Variants in ARID2 observed in about 807,000 individuals in gnomAD.
ARID2 encodes AT-rich interaction domain 2, also known as AT-rich interactive domain-containing protein 2.
A neutral mutation model predicts 184.6 loss-of-function variants in ARID2; 32 were observed. The observed-to-expected ratio is 0.17, with a 90% CI of 0.13 to 0.23. The LOEUF (loss-of-function observed/expected upper bound fraction) is 0.23. Ranked by LOEUF, ARID2 falls within the 10% of genes least tolerant of loss-of-function variation. The pLI, the probability that ARID2 is intolerant of heterozygous loss-of-function variation, is 1.00. For synonymous variants in ARID2, 836 were observed against 772.6 expected (o/e 1.08, Z -1.36); for missense variants, 1,696 against 2,197.6 (o/e 0.77, Z 4.56).
intron 3 of ARID2, among the ~76,000 whole-genome samples, chr12:45,740,322 A>G (rs1413777698): frequency 1.3e-5 from 2 of 152,058 alleles, no homozygotes; most frequent in East Asian, 1.9e-4. Context: ...TTTGCTATCT[A>G]TATGTGAACT....
At chr12:45,755,701 T>C (rs1034842472) in intron 3 of ARID2, among the ~76,000 whole-genome samples, 5 of 152,192 alleles carry the variant, frequency 3.3e-5, no homozygotes, top group African/African-American at 4.8e-5. Flanking sequence ...GAAGGAACTT[T>C]TTACAACTTC....
chr12:45,846,487 C>T (rs937226637), intron 11 of ARID2, among the ~76,000 whole-genome samples: 1 of 152,098 alleles, frequency 6.6e-6, no homozygotes, highest in Admixed American at 6.5e-5. Flanking sequence ...CTTTGAGTCT[C>T]AGTTTTCTTA....
At chr12:45,834,722 A>G (rs1943184295) in intron 6 of ARID2, among the ~76,000 whole-genome samples, 1 of 152,248 alleles carries the variant, frequency 6.6e-6, no homozygotes, top group African/African-American at 2.4e-5. Flanking sequence ...CCTGGGTGAT[A>G]GAGCGAGATT....
chr12:45,839,892 A>G (rs1465094587), intron 11 of ARID2: 1 of 168,214 alleles, frequency 5.9e-6, no homozygotes, highest in African/African-American at 2.4e-5. Flanking sequence ...GCGTAAGTAT[A>G]ATACTTCTAA....
chr12:45,791,801 A>T (rs1259456413), intron 3 of ARID2, among the ~76,000 whole-genome samples: 1 of 152,150 alleles, frequency 6.6e-6, no homozygotes, highest in Non-Finnish European at 1.5e-5. Context: ...TATAATTCCC[A>T]CCAGCAAGAA....
At chr12:45,824,934 A>C (rs905625933) in intron 6 of ARID2, among the ~76,000 whole-genome samples, 9 of 151,344 alleles carry the variant, frequency 5.9e-5, no homozygotes, top group Non-Finnish European at 1.2e-4. Context: ...AAAATGTGCT[A>C]TTTTTGTAGC....
chr12:45,797,131 A>G (rs1222155031), intron 3 of ARID2, among the ~76,000 whole-genome samples: 1 of 152,226 alleles, frequency 6.6e-6, no homozygotes, highest in African/African-American at 2.4e-5. Context: ...AAAGTAATTT[A>G]ATATACATAC....
rs1943516246 is a variant in ARID2 at position 45,850,085 on chromosome 12, T to C, written c.1962T>C (p.Pro654=). The C allele has an allele frequency of 1.2e-6, 2 of 1,613,952 alleles. No homozygotes were observed. Among genetic ancestry groups the C allele is most frequent in the African/African-American group, 2.7e-5 (2 of 74,928 alleles). The change falls in exon 15 of 21, where the codon CCT becomes CCC. Residue 654 remains proline (P), a synonymous_variant. Transcript: ENST00000334344. ...QTIGNHFQRT[P]VANQSSNLTA... ...TAGGAAACCATTTTCAGAGGACTCC[T>C]GTTGCCAACCAATCTTCAAATCTGA...
At chr12:45,849,066 A>G (rs538315492) in intron 13 of ARID2, 96 bp downstream of exon 13, 2 of 1,379,898 alleles carry the variant, frequency 1.4e-6, no homozygotes, top group African/African-American at 1.5e-5. Context: ...CTAGTTTTAA[A>G]TATTTCTACT....
intron 3 of ARID2, among the ~76,000 whole-genome samples, chr12:45,793,211 A>T (rs1396454901): frequency 6.6e-6 from 1 of 152,056 alleles, no homozygotes; most frequent in Non-Finnish European, 1.5e-5. Context: ...GAGACAAGAG[A>T]ACCGCTTGAA....
At chr12:45,755,442 A>G (rs1439187941) in intron 3 of ARID2, among the ~76,000 whole-genome samples, 1 of 152,240 alleles carries the variant, frequency 6.6e-6, no homozygotes, top group Non-Finnish European at 1.5e-5. Flanking sequence ...TAAAAATACT[A>G]GACAAGGAAG....
chr12:45,736,769 T>C (rs1270396633), intron 3 of ARID2, among the ~76,000 whole-genome samples: 1 of 152,242 alleles, frequency 6.6e-6, no homozygotes, highest in Admixed American at 6.5e-5. Flanking sequence ...GAAATGAACT[T>C]GAGCAAAAGG....
rs749718328 is a variant in ARID2, at chr12:45,891,766, T to A, written c.4923-14T>A. The stretch of plus-strand genomic sequence containing the variant: ...TGAATACATCCAAGTGTCTACTACT[T>A]TTATTTTTTATAGGTGGTTTCAGAC... On this transcript the variant is annotated splice_polypyrimidine_tract_variant and intron_variant, in intron 16 of 20. Transcript: ENST00000334344. 5 of 1,609,092 alleles carry A rather than the reference T, an allele frequency of 3.1e-6. No homozygotes were observed. The highest frequency in any genetic ancestry group is 3.4e-5 in the Admixed American group (2 of 58,694).
intron 3 of ARID2, among the ~76,000 whole-genome samples, chr12:45,809,196 C>A (rs1422332527): frequency 1.3e-5 from 2 of 152,152 alleles, no homozygotes. Flanking sequence ...GATTATTTAT[C>A]TGTAGTCTGT....
Position 45,849,776 on chromosome 12 carries a change from G to A in ARID2, c.1912G>A (p.Gly638Arg), listed in dbSNP as rs2138157741. 1 of 1,606,676 alleles carries A rather than the reference G, an allele frequency of 6.2e-7. No individual in the cohort carries two copies. The highest frequency in any genetic ancestry group is 8.5e-7 in the Non-Finnish European group (1 of 1,176,790). ...PDVSPAPSPA[G>R]IPHGSQTIGN... ...TGTATCTCCTGCTCCTTCACCTGCA[G>A]GTGTTAATTTTTATTGTATTTTTAA... The change falls in exon 14 of 21, where the codon GGA (glycine) becomes AGA (arginine). Residue 638 changes from glycine to arginine, a missense_variant and splice_region_variant. Gly to Arg is a moderately radical substitution (Grantham distance 125). Around this residue, in one of 11 missense-constraint regions of ARID2, gnomAD observed 713 missense variants for 824.4 expected, o/e 0.86. Coordinates refer to ENST00000334344, the MANE Select transcript of ARID2 (RefSeq NM_152641.4).
chr12:45,821,411 GT>G lies in ARID2; in HGVS notation c.638-3del. On this transcript the variant is annotated splice_polypyrimidine_tract_variant and splice_region_variant and intron_variant, in intron 5 of 20. Transcript: ENST00000334344. ...TATTGAATGTACTATTTATTTATTTGTTTTTTAGCTTTAGGATCCTTTTCCA... is the reference window on the plus strand; with the variant it reads ...TATTGAATGTACTATTTATTTATTTGTTTTTAGCTTTAGGATCCTTTTCCA... 6.7e-7 allele frequency: 1 copy of G among 1,484,704 alleles called. No individual in the cohort carries two copies. The highest frequency in any genetic ancestry group is 9.0e-7 in the Non-Finnish European group (1 of 1,111,942). The allele number at this position is 1,484,704 out of a possible 1,614,324, so 92.0% of individuals were successfully genotyped here.
intron 16 of ARID2, among the ~76,000 whole-genome samples, chr12:45,866,978 TCTTA>T (rs902209366): frequency 5.9e-5 from 9 of 151,846 alleles, no homozygotes; most frequent in South Asian, 2.1e-4. Flanking sequence ...GGAGATGGAG[TCTTA>T]CTTCATCACC....
Position 45,796,393 on chromosome 12 carries a change from C to T in ARID2, c.285-15025C>T, listed in dbSNP as rs570409765. Among the ~76,000 whole-genome samples the T allele has an allele frequency of 1.1e-4, 17 of 152,204 alleles. No homozygotes were observed. In the South Asian group the frequency reaches 2.9e-3, roughly 26 times the overall value. ...CCTGTTGGATAGTTAGGTTGTTTTT[C>T]TTCCTTATAAGCAGTGACAGTTTGA... On this transcript the variant is annotated intron_variant, in intron 3 of 20. Coordinates refer to ENST00000334344, the MANE Select transcript of ARID2 (RefSeq NM_152641.4).
chr12:45,804,508 G>A (rs1333291107), intron 3 of ARID2, among the ~76,000 whole-genome samples: 2 of 151,542 alleles, frequency 1.3e-5, no homozygotes, highest in African/African-American at 2.4e-5. Flanking sequence ...GTGTGTGTGT[G>A]TCTGTATGTA....
Sources: allele counts gnomAD v4.1 joint callset (sites outside exome capture counted in the v4.1 genomes callset), GRCh38; gene constraint gnomAD v4.1.1; regional missense constraint gnomAD v4.1.1; transcripts MANE v1.5; gene names NCBI Gene and HGNC (gene_info 2026-07-23, HGNC 2026-07-21).